Variants in PDE4D observed in about 807,000 individuals in gnomAD.
PDE4D encodes the protein phosphodiesterase 4D, also known as 3',5'-cyclic-AMP phosphodiesterase 4D.
PDE4D carries 24 observed loss-of-function variants against 87.4 expected under a neutral mutation model. The ratio of observed to expected loss-of-function variants is 0.27; its 90% confidence interval spans 0.20 to 0.39. PDE4D has a LOEUF of 0.39. Ranked by LOEUF, PDE4D falls within the 10% of genes least tolerant of loss-of-function variation. PDE4D has a pLI of 1.00. For synonymous variants in PDE4D, 384 were observed against 383.2 expected, an observed-to-expected ratio of 1.00 and a Z score of -0.02; for missense variants, 714 against 1,041.0, an observed-to-expected ratio of 0.69 and a Z score of 4.32.
At position 59,328,180 on chromosome 5, in the gene PDE4D, G is replaced by A. The variant is rs556190422; in HGVS notation, c.456-112212C>T. On this transcript the variant is annotated intron_variant, in intron 1 of 14. Transcript: ENST00000340635. The stretch of plus-strand genomic sequence containing the variant: ...AGCAGTGGTTAATTATATAGACTCT[G>A]AAGACAGACTAGTGGAATTTGAGGT... 2.4e-4 allele frequency among the ~76,000 whole-genome samples: 37 copies of A among 152,258 alleles called. No homozygotes were observed. The South Asian group carries it at 2.9e-3, about 12-fold the overall frequency.
chr5:59,795,164 T>C (rs1766316546), intron 1 of PDE4D, among the ~76,000 whole-genome samples: 1 of 152,228 alleles, frequency 6.6e-6, no homozygotes, highest in Admixed American at 6.5e-5. Context: ...AAGTCAATGG[T>C]CAACCTTCCT....
At chr5:60,139,165 G>T (rs368618595) in intron 2 of PDE4D, among the ~76,000 whole-genome samples, 1 of 152,034 alleles carries the variant, frequency 6.6e-6, no homozygotes, top group African/African-American at 2.4e-5. Context: ...CTAATGTTTG[G>T]CTCCTTAAGT....
At chr5:59,458,281 C>T (rs1800224385) in intron 1 of PDE4D, among the ~76,000 whole-genome samples, 1 of 152,200 alleles carries the variant, frequency 6.6e-6, no homozygotes, top group South Asian at 2.1e-4. Context: ...GAACTTGGGA[C>T]ATGTCTTGCA....
At chr5:59,258,832 A>G (rs1019226912) in intron 1 of PDE4D, among the ~76,000 whole-genome samples, 3 of 150,930 alleles carry the variant, frequency 2.0e-5, no homozygotes, top group African/African-American at 7.3e-5. Flanking sequence ...GACTATGTCA[A>G]AGAAGTTTCA....
In PDE4D at chr5:60,064,794, T is replaced by C. The variant is rs1192269327; in HGVS notation, c.43-76077A>G. Among the ~76,000 whole-genome samples the C allele has an allele frequency of 3.9e-5, 6 of 152,136 alleles. No homozygotes were observed. In the East Asian group the frequency reaches 5.8e-4, roughly 15 times the overall value. On this transcript the variant is annotated intron_variant, in intron 2 of 16. Coordinates refer to the PDE4D transcript ENST00000502484. ...GCCATTTCAAAACCCTTCAGTTATA[T>C]TGGCATCTCTGCTCCCAGTATAAAT...
chr5:59,330,392 A>C (rs2153576520), intron 1 of PDE4D, among the ~76,000 whole-genome samples: 1 of 152,102 alleles, frequency 6.6e-6, no homozygotes, highest in African/African-American at 2.4e-5. Flanking sequence ...AGCCCCAGGC[A>C]ACCTGTTCTT....
At chr5:60,367,451 C>CAA (rs34724141) in intron 1 of PDE4D, among the ~76,000 whole-genome samples, 22,502 of 131,512 alleles carry the variant, frequency 0.17, 1,863 homozygotes, top group South Asian at 0.37. Flanking sequence ...AACTCCATAT[C>CAA]AAAAAAAAAA....
chr5:59,676,098 TAC>T (rs145556614), intron 1 of PDE4D, among the ~76,000 whole-genome samples: 240 of 149,896 alleles, frequency 1.6e-3, no homozygotes, highest in African/African-American at 5.0e-3. Context: ...TATATGTATA[TAC>T]ACACACACAC....
At chr5:59,046,692 A>G (rs1226626525) in intron 5 of PDE4D, among the ~76,000 whole-genome samples, 1 of 152,158 alleles carries the variant, frequency 6.6e-6, no homozygotes, top group Non-Finnish European at 1.5e-5. Flanking sequence ...TGTTTTATTC[A>G]TTGAAGGGAC....
intron 1 of PDE4D, among the ~76,000 whole-genome samples, chr5:60,520,245 C>T (rs967934955): frequency 6.6e-6 from 1 of 152,222 alleles, no homozygotes; most frequent in African/African-American, 2.4e-5. Context: ...CCTTTCTCTT[C>T]TACCTCTATG....
intron 5 of PDE4D, among the ~76,000 whole-genome samples, chr5:59,053,005 C>T (rs950926738): frequency 2.6e-5 from 4 of 151,910 alleles, no homozygotes; most frequent in African/African-American, 9.7e-5. Context: ...ATTTTTGATA[C>T]TAGTAGTGGT....
intron 5 of PDE4D, among the ~76,000 whole-genome samples, chr5:59,075,220 A>C (rs2153420502): frequency 6.6e-6 from 1 of 152,272 alleles, no homozygotes; most frequent in African/African-American, 2.4e-5. Context: ...ATAGAGAAAA[A>C]GAAAAAGAAA....
intron 1 of PDE4D, among the ~76,000 whole-genome samples, chr5:59,222,926 A>C (rs1213656248): frequency 6.6e-6 from 1 of 152,152 alleles, no homozygotes; most frequent in African/African-American, 2.4e-5. Flanking sequence ...ATTATTTAGC[A>C]GCTATTGTTT....
At chr5:59,924,059 A>T (rs577652842) in intron 3 of PDE4D, among the ~76,000 whole-genome samples, 5 of 152,330 alleles carry the variant, frequency 3.3e-5, no homozygotes, top group African/African-American at 1.2e-4. Flanking sequence ...ATCAGGCAGA[A>T]ATTCTGTAGT....
chr5:59,282,056 T>A (rs550033674), intron 1 of PDE4D, among the ~76,000 whole-genome samples: 7 of 152,294 alleles, frequency 4.6e-5, no homozygotes, highest in Non-Finnish European at 7.4e-5. Context: ...TTAAAAATTA[T>A]TCTTCTAACT....
chr5:60,356,638 C>G (rs983916065), intron 1 of PDE4D, among the ~76,000 whole-genome samples: 3 of 152,168 alleles, frequency 2.0e-5, no homozygotes, highest in Non-Finnish European at 4.4e-5. Flanking sequence ...AGTTTTCCTT[C>G]TTTTCCCCCC....
intron 1 of PDE4D, among the ~76,000 whole-genome samples, chr5:60,411,534 T>C (rs181359589): frequency 1.9e-4 from 29 of 152,284 alleles, no homozygotes; most frequent in Non-Finnish European, 4.0e-4. Flanking sequence ...CATCACAATA[T>C]ATGAAAGTAA....
At chr5:59,691,626 A>ATTTCTTTATACGTATT (rs1453120971) in intron 1 of PDE4D, among the ~76,000 whole-genome samples, 2 of 151,720 alleles carry the variant, frequency 1.3e-5, no homozygotes, top group African/African-American at 4.8e-5. Flanking sequence ...TGTAAATGAC[A>ATTTCTTTATACGTATT]AGTTAACGGG....
intron 2 of PDE4D, among the ~76,000 whole-genome samples, chr5:60,164,383 TC>T (rs2149468821): frequency 6.6e-6 from 1 of 152,256 alleles, no homozygotes; most frequent in African/African-American, 2.4e-5. Context: ...AGTGGAATAC[TC>T]CTTATGTTGC....
Sources: allele counts gnomAD v4.1 joint callset (sites outside exome capture counted in the v4.1 genomes callset), GRCh38; gene constraint gnomAD v4.1.1; transcripts MANE v1.5; gene names NCBI Gene and HGNC (gene_info 2026-07-23, HGNC 2026-07-21).